Variants in TCF3 observed in about 807,000 individuals in gnomAD.
TCF3 encodes the protein transcription factor 3, also known as transcription factor E2-alpha.
In TCF3, 54 loss-of-function variants were observed where a neutral mutation model predicts 72.3. The observed-to-expected ratio is 0.75, with a 90% CI of 0.60 to 0.94. The LOEUF (loss-of-function observed/expected upper bound fraction) is 0.94, where lower values mean the gene tolerates loss of function less well. Ranked by LOEUF, TCF3 falls within the 40% of genes least tolerant of loss-of-function variation. The pLI is 0.00. For synonymous variants in TCF3, 525 were observed against 412.6 expected (o/e 1.27, Z -3.30); for missense variants, 1,078 against 934.4 (o/e 1.15, Z -2.00).
chr19:1,620,157 T>A (rs1017388190), intron 13 of TCF3, among the ~76,000 whole-genome samples: 2 of 152,160 alleles, frequency 1.3e-5, no homozygotes, highest in African/African-American at 4.8e-5. Flanking sequence ...CTCCCCATGC[T>A]GCCCCACCCT....
chr19:1,634,121 GC>G (rs1357061118), intron 3 of TCF3, among the ~76,000 whole-genome samples: 1 of 152,210 alleles, frequency 6.6e-6, no homozygotes, highest in African/African-American at 2.4e-5. Context: ...GCCTCAATCT[GC>G]CCTTTGGGGG....
intron 5 of TCF3, among the ~76,000 whole-genome samples, chr19:1,629,754 T>C (rs1368861296): frequency 6.6e-6 from 1 of 152,174 alleles, no homozygotes; most frequent in Non-Finnish European, 1.5e-5. Flanking sequence ...GGACGCGCGA[T>C]CGAGTAATGT....
At chr19:1,631,521 G>A (rs1048412956) in intron 5 of TCF3, among the ~76,000 whole-genome samples, 9 of 151,906 alleles carry the variant, frequency 5.9e-5, no homozygotes, top group South Asian at 2.1e-4. Context: ...CACCCACCTC[G>A]CTCTCCCAAA....
chr19:1,615,009 C>T lies in TCF3; in HGVS notation c.1822+276G>A, dbSNP rs1568328693. Among the ~76,000 whole-genome samples, 1 of 152,088 alleles carries T rather than the reference C, an allele frequency of 6.6e-6. No individual in the cohort carries two copies. Among genetic ancestry groups the T allele is most frequent in the Non-Finnish European group, 1.5e-5 (1 of 68,008 alleles). On this transcript the variant is annotated intron_variant, in intron 18 of 18. Coordinates refer to ENST00000262965, the MANE Select transcript of TCF3 (RefSeq NM_003200.5). The surrounding 1 kb of genome is among the most constrained non-coding windows in gnomAD (Gnocchi z 7.3). ...TGGAGCTGGGAGATACAGTTCTGAG[C>T]CACAGAGCCCAGGCCTGAAGGACTA...
chr19:1,623,356 G>GGGA (rs2062481627), intron 8 of TCF3, among the ~76,000 whole-genome samples: 2 of 151,876 alleles, frequency 1.3e-5, no homozygotes, highest in South Asian at 2.1e-4. Context: ...GGATGTAACA[G>GGGA]GGAGCCCCAA....
chr19:1,627,364 T>G lies in TCF3; in HGVS notation c.361A>C (p.Thr121Pro). The change falls in exon 6 of 19, where the codon ACT becomes CCT. Residue 121 changes from threonine to proline, a missense_variant. By Grantham distance (38) the Thr-to-Pro change is conservative (BLOSUM62 -1). Transcript: ENST00000262965. ...FGRDAGVGGL[T>P]QAGFLSGELA... ...GCCCGGCCCGAGCCCCTCACCTGAG[T>G]CAGGCCGCCCACGCCTGCGTCTCTC... is the stretch of plus-strand genomic sequence containing the variant. 6.2e-7 allele frequency: 1 copy of G among 1,609,720 alleles called. No individual in the cohort carries two copies. The highest frequency in any genetic ancestry group is 8.5e-7 in the Non-Finnish European group (1 of 1,178,886).
At chr19:1,618,036 A>G (rs2061730865) in intron 16 of TCF3, among the ~76,000 whole-genome samples, 3 of 152,120 alleles carry the variant, frequency 2.0e-5, no homozygotes, top group African/African-American at 7.2e-5. Flanking sequence ...GGGCCAGGAC[A>G]GCGCCCACAA....
At position 1,615,076 on chromosome 19, in the gene TCF3, G is replaced by A. The variant is rs1237718104; in HGVS notation, c.1822+209C>T. On this transcript the variant is annotated intron_variant, in intron 18 of 18. Coordinates refer to ENST00000262965, the MANE Select transcript of TCF3 (RefSeq NM_003200.5). This position sits in a 1 kb window ranked among gnomAD's most constrained non-coding sequence, Gnocchi z 7.3. ...CCAGTCCTCCCACTGTGGAGGGGATGCTGAGGCAGGCAGGGAGAAGGGCTG... is the reference window on the plus strand; with the variant it reads ...CCAGTCCTCCCACTGTGGAGGGGATACTGAGGCAGGCAGGGAGAAGGGCTG... Among the ~76,000 whole-genome samples the A allele has an allele frequency of 3.3e-5, 5 of 152,324 alleles. No homozygotes were observed. In the East Asian group the frequency reaches 9.7e-4, roughly 29 times the overall value.
At chr19:1,612,117 G>C (rs953724517) in intron 18 of TCF3, 5 of 1,325,002 alleles carry the variant, frequency 3.8e-6, no homozygotes, top group Non-Finnish European at 5.1e-6. Context: ...GACAGAGTCC[G>C]GGGGCGGCAA....
chr19:1,641,702 C>A (rs8107561), intron 3 of TCF3, among the ~76,000 whole-genome samples: 20,409 of 152,096 alleles, frequency 0.13, 1,468 homozygotes, highest in South Asian at 0.3. Flanking sequence ...ATCCACACAC[C>A]CTGGCTTCCC....
intron 3 of TCF3, among the ~76,000 whole-genome samples, chr19:1,644,353 C>T (rs998126626): frequency 2.0e-5 from 3 of 151,556 alleles, no homozygotes; most frequent in Non-Finnish European, 4.4e-5. Context: ...TCCTCCACCA[C>T]CCCCGGGCTC....
intron 1 of TCF3, chr19:1,650,762 G>A (rs886706176): frequency 1.3e-5 from 3 of 231,482 alleles, no homozygotes; most frequent in Admixed American, 1.1e-4. Flanking sequence ...CCAGCAGATG[G>A]CACAGCCCGT....
chr19:1,623,249 T>C (rs1338597627), intron 8 of TCF3, among the ~76,000 whole-genome samples: 1 of 152,008 alleles, frequency 6.6e-6, no homozygotes, highest in East Asian at 1.9e-4. Context: ...TCCCTCTCCC[T>C]CCAGCGAGAT....
chr19:1,645,432 C>A (rs1039635643), intron 3 of TCF3, among the ~76,000 whole-genome samples: 1 of 152,190 alleles, frequency 6.6e-6, no homozygotes, highest in Non-Finnish European at 1.5e-5. Flanking sequence ...CATTCACAAC[C>A]ATCCAGGGCT....
rs935957964 is a variant in TCF3, at chr19:1,614,505, T to C, written c.1822+780A>G. Among the ~76,000 whole-genome samples, 4 of 151,878 alleles carry C rather than the reference T, an allele frequency of 2.6e-5. No homozygotes were observed. Among genetic ancestry groups the C allele is most frequent in the Non-Finnish European group, 5.9e-5 (4 of 67,934 alleles). On this transcript the variant is annotated intron_variant, in intron 18 of 18. Coordinates refer to ENST00000262965, the MANE Select transcript of TCF3 (RefSeq NM_003200.5). The surrounding 1 kb of genome is among the most constrained non-coding windows in gnomAD (Gnocchi z 5.6). ...GAAGGCAGACAGCAGAGAGGCGGGC[T>C]TGGGGGGCGCGAGGCGTGCCACACA...
intron 6 of TCF3, among the ~76,000 whole-genome samples, chr19:1,627,145 C>T (rs1347050156): frequency 1.3e-5 from 2 of 152,204 alleles, no homozygotes; most frequent in Non-Finnish European, 2.9e-5. Context: ...AGCATGGCAG[C>T]CCTGCAGGCC....
chr19:1,611,479 G>T lies in TCF3; in HGVS notation c.*228C>A. The T allele has an allele frequency of 2.0e-6, 1 of 510,150 alleles. No homozygotes were observed. The highest frequency in any genetic ancestry group is 3.4e-5 in the South Asian group (1 of 29,058). The allele number at this position is 510,150 out of a possible 1,614,324, so 31.6% of individuals were successfully genotyped here. On this transcript the variant is annotated 3_prime_UTR_variant, in exon 19 of 19. Transcript: ENST00000262965. ...ACACGGTGGCTGAGATTCGGGGACA[G>T]GGGGAGCGAGGCCAGTGAGTGGTAG...
chr19:1,623,693 C>T (rs1249069491), intron 8 of TCF3, among the ~76,000 whole-genome samples: 1 of 152,126 alleles, frequency 6.6e-6, no homozygotes, highest in Non-Finnish European at 1.5e-5. Flanking sequence ...ACAATTGTGC[C>T]CTTTCTAAAG....
At chr19:1,649,125 G>A (rs2066599352) in intron 2 of TCF3, among the ~76,000 whole-genome samples, 1 of 152,170 alleles carries the variant, frequency 6.6e-6, no homozygotes, top group Admixed American at 6.5e-5. Context: ...TGAAGAAGCC[G>A]CCCCGCCCTC....
Sources: allele counts gnomAD v4.1 joint callset (sites outside exome capture counted in the v4.1 genomes callset), GRCh38; gene constraint gnomAD v4.1.1; non-coding constraint Gnocchi (gnomAD v3.1); transcripts MANE v1.5; gene names NCBI Gene and HGNC (gene_info 2026-07-23, HGNC 2026-07-21).